GARIN1A: variants seen among roughly 807,000 people sequenced by gnomAD.
The protein encoded by GARIN1A is Golgi-associated RAB2 interactor protein 1A.
the GARIN1A span, chr7:128,686,495 A>C: frequency 2.6e-5 from 4 of 152,160 alleles, no homozygotes; most frequent in African/African-American, 9.7e-5. Flanking sequence ...TAACTCCAAA[A>C]TCCAAATTAC....
At chr7:128,705,845 A>G in the GARIN1A span, among the ~76,000 whole-genome samples, 1 of 151,772 alleles carries the variant, frequency 6.6e-6, no homozygotes, top group Non-Finnish European at 1.5e-5. Context: ...TTGTAGAGAC[A>G]GGGTCTCGCT....
the GARIN1A span, among the ~76,000 whole-genome samples, chr7:128,671,714 G>C: frequency 6.6e-6 from 1 of 151,076 alleles, no homozygotes; most frequent in African/African-American, 2.4e-5. Context: ...TCCTGAAAAT[G>C]TAACAACCAG....
the GARIN1A span, chr7:128,675,655 T>C: frequency 6.2e-7 from 1 of 1,612,326 alleles, no homozygotes; most frequent in Admixed American, 1.7e-5. Flanking sequence ...CTGACCCATG[T>C]ACCTGAGGCT....
At chr7:128,675,076 G>A in the GARIN1A span, among the ~76,000 whole-genome samples, 5 of 152,160 alleles carry the variant, frequency 3.3e-5, no homozygotes, top group Admixed American at 6.5e-5. Flanking sequence ...TGCACAGTGA[G>A]GTGGGGGGTG....
At chr7:128,674,370 C>T in the GARIN1A span, among the ~76,000 whole-genome samples, 4 of 152,266 alleles carry the variant, frequency 2.6e-5, no homozygotes, top group South Asian at 2.1e-4. Context: ...AGTGATACTC[C>T]GGCTTTGGAC....
chr7:128,678,261 T>A, the GARIN1A span: 2 of 154,930 alleles, frequency 1.3e-5, no homozygotes, highest in African/African-American at 4.8e-5. Flanking sequence ...CCTCAAGTGA[T>A]CCACCCACCT....
chr7:128,701,984 G>A, the GARIN1A span, among the ~76,000 whole-genome samples: 4 of 152,212 alleles, frequency 2.6e-5, no homozygotes, highest in Non-Finnish European at 4.4e-5. Flanking sequence ...AAAGAAAATG[G>A]TCTGACCTTC....
the GARIN1A span, among the ~76,000 whole-genome samples, chr7:128,703,784 A>G: frequency 3.9e-5 from 6 of 152,132 alleles, no homozygotes; most frequent in South Asian, 4.1e-4. Context: ...CTCAAAAAAA[A>G]AAAAAGAAAA....
At chr7:128,688,035 G>A in the GARIN1A span, among the ~76,000 whole-genome samples, 6 of 149,684 alleles carry the variant, frequency 4.0e-5, no homozygotes, top group African/African-American at 1.2e-4. Context: ...TTTTTTTTTG[G>A]AGATGAAGTC....
chr7:128,692,862 G>A, the GARIN1A span, among the ~76,000 whole-genome samples: 1 of 152,202 alleles, frequency 6.6e-6, no homozygotes, highest in African/African-American at 2.4e-5. Flanking sequence ...CATCAATTTA[G>A]AGAAAACAAA....
the GARIN1A span, chr7:128,690,654 A>G: frequency 3.2e-4 from 48 of 152,320 alleles, no homozygotes; most frequent in African/African-American, 1.2e-3. Context: ...ATCTTTTTCC[A>G]CATGTTCTAT....
chr7:128,672,976 G>A, the GARIN1A span, among the ~76,000 whole-genome samples: 1 of 152,186 alleles, frequency 6.6e-6, no homozygotes, highest in African/African-American at 2.4e-5. Flanking sequence ...GGGTAAATAG[G>A]TGTTGCCCAG....
the GARIN1A span, chr7:128,672,575 G>C: frequency 6.7e-7 from 1 of 1,490,506 alleles, no homozygotes; most frequent in Non-Finnish European, 9.0e-7. Flanking sequence ...CTCAGGGCCA[G>C]CTGTCTTTCT....
the GARIN1A span, among the ~76,000 whole-genome samples, chr7:128,671,870 C>T: frequency 6.6e-6 from 1 of 151,906 alleles, no homozygotes; most frequent in Non-Finnish European, 1.5e-5. Flanking sequence ...CCTTTTCTCC[C>T]ATGAGATGGG....
the GARIN1A span, among the ~76,000 whole-genome samples, chr7:128,706,297 C>T: frequency 6.6e-6 from 1 of 152,096 alleles, no homozygotes; most frequent in Non-Finnish European, 1.5e-5. Flanking sequence ...TCCAAGAAAT[C>T]CCGGTTCTTT....
At chr7:128,707,220 ATGTGTGTG>A in the GARIN1A span, among the ~76,000 whole-genome samples, 5 of 147,284 alleles carry the variant, frequency 3.4e-5, no homozygotes, top group East Asian at 4.0e-4. Flanking sequence ...GTGTGTATGT[ATGTGTGTG>A]TGTGTGTGTG....
chr7:128,677,547 G>A, the GARIN1A span: 11 of 1,514,792 alleles, frequency 7.3e-6, no homozygotes, highest in Non-Finnish European at 9.0e-6. Context: ...CCATGGAAAT[G>A]TCCTGATTAT....
the GARIN1A span, chr7:128,683,096 G>T: frequency 2.5e-6 from 4 of 1,612,598 alleles, no homozygotes; most frequent in Non-Finnish European, 3.4e-6. Context: ...AAGAGGACTG[G>T]AATGAGCACC....
At chr7:128,693,420 T>C in the GARIN1A span, 1 of 154,498 alleles carries the variant, frequency 6.5e-6, no homozygotes, top group Non-Finnish European at 1.4e-5. Context: ...TGTGGTGTTT[T>C]GGGGTCCTGC....
Sources: allele counts gnomAD v4.1 joint callset (sites outside exome capture counted in the v4.1 genomes callset), GRCh38; gene constraint gnomAD v4.1.1; transcripts MANE v1.5; gene names NCBI Gene and HGNC (gene_info 2026-07-23, HGNC 2026-07-21).